The following PPP2R3A variants were observed in gnomAD, a reference collection of about 807,000 sequenced individuals.
The protein encoded by PPP2R3A is serine/threonine-protein phosphatase 2A regulatory subunit B'' subunit alpha.
PPP2R3A carries 80 observed loss-of-function variants against 106.9 expected under a neutral mutation model. The ratio of observed to expected loss-of-function variants is 0.75; its 90% CI spans 0.62 to 0.90. PPP2R3A has a LOEUF of 0.90. Among genes scored for constraint, PPP2R3A ranks in the 40% least tolerant of loss-of-function variants. PPP2R3A has a pLI of 0.00. For synonymous variants in PPP2R3A, 483 were observed against 468.3 expected (o/e 1.03, Z -0.41); for missense variants, 1,386 against 1,350.4 (o/e 1.03, Z -0.41).
chr3:136,028,995 G>A (rs1934765242), intron 3 of PPP2R3A, among the ~76,000 whole-genome samples: 1 of 152,122 alleles, frequency 6.6e-6, no homozygotes, highest in South Asian at 2.1e-4. Flanking sequence ...TGGGATTACA[G>A]GCATGCACCA....
At chr3:136,063,350 A>G (rs922879982) in intron 5 of PPP2R3A, among the ~76,000 whole-genome samples, 3 of 152,234 alleles carry the variant, frequency 2.0e-5, no homozygotes, top group African/African-American at 7.2e-5. Flanking sequence ...ACCATTCAGG[A>G]CATAGGCATG....
Position 136,145,373 on chromosome 3 carries a change from G to A in PPP2R3A, c.*207G>A. On this transcript the variant is annotated 3_prime_UTR_variant, in exon 14 of 14. Coordinates refer to ENST00000264977, the MANE Select transcript of PPP2R3A (RefSeq NM_002718.5). ...CAATTTGCCTCAAACCTCTTACGGA[G>A]CTTCTCCTCAGAAGTGGTACCATCG... 2.2e-6 allele frequency: 1 copy of A among 457,456 alleles called. No homozygotes were observed. 28.3% of individuals were successfully genotyped at this position (457,456 alleles called of 1,614,324 possible).
intron 5 of PPP2R3A, among the ~76,000 whole-genome samples, chr3:136,064,660 A>C (rs1346892399): frequency 6.6e-6 from 1 of 152,222 alleles, no homozygotes; most frequent in East Asian, 1.9e-4. Flanking sequence ...AGAATGAAAA[A>C]ACTATATAAG....
intron 8 of PPP2R3A, among the ~76,000 whole-genome samples, chr3:136,087,260 T>TCTCTCTCTCTCTCTCC (rs2107939514): frequency 7.2e-6 from 1 of 138,496 alleles, no homozygotes; most frequent in South Asian, 2.4e-4. Flanking sequence ...TCTCTCTCTC[T>TCTCTCTCTCTCTCTCC]CTCTCTCTCT....
chr3:136,025,489 G>A (rs1433723391), intron 2 of PPP2R3A, among the ~76,000 whole-genome samples: 1 of 151,592 alleles, frequency 6.6e-6, no homozygotes. Context: ...ATTAACACAG[G>A]GAAATTGGGC....
rs537274259 is a variant in PPP2R3A at position 136,030,820 on chromosome 3, ATG to A, written c.2262+3724_2262+3725del. Among the ~76,000 whole-genome samples the A allele has an allele frequency of 3.0e-3, 425 of 143,928 alleles. 1 individual carries two copies. Among genetic ancestry groups the A allele is most frequent in the African/African-American group, 9.6e-3 (347 of 36,042 alleles). The allele number at this position is 143,928 out of a possible 152,430, so 94.4% of individuals were successfully genotyped here. ...TATGTATGTATGTATGTATGTATGT[ATG>A]TATACACACACACACACACACACAT... On this transcript the variant is annotated intron_variant, in intron 3 of 13. Transcript: ENST00000264977.
intron 10 of PPP2R3A, 88 bp downstream of exon 10, chr3:136,090,755 C>A: frequency 1.0e-6 from 1 of 1,003,018 alleles, no homozygotes; most frequent in Non-Finnish European, 1.5e-6. Context: ...CTAGTGAGGC[C>A]AACTCAACGT....
chr3:136,052,893 G>C (rs1308920849), intron 5 of PPP2R3A, among the ~76,000 whole-genome samples: 1 of 152,106 alleles, frequency 6.6e-6, no homozygotes, highest in Non-Finnish European at 1.5e-5. Flanking sequence ...ATAAATCCAC[G>C]GAAGCCAATG....
chr3:136,078,056 A>C (rs1247091772), intron 6 of PPP2R3A, among the ~76,000 whole-genome samples: 2 of 152,228 alleles, frequency 1.3e-5, no homozygotes, highest in Admixed American at 1.3e-4. Context: ...ATTGAGCCCC[A>C]TAAGCATTAC....
At chr3:135,967,262 G>T (rs550679786) in intron 1 of PPP2R3A, among the ~76,000 whole-genome samples, 1 of 152,146 alleles carries the variant, frequency 6.6e-6, no homozygotes, top group Non-Finnish European at 1.5e-5. Flanking sequence ...AGATCAAAAA[G>T]GTTTTTAAAA....
chr3:135,986,919 A>AT (rs1259411576), intron 1 of PPP2R3A, among the ~76,000 whole-genome samples: 1 of 152,142 alleles, frequency 6.6e-6, no homozygotes, highest in African/African-American at 2.4e-5. Flanking sequence ...ACTTATTTAA[A>AT]GAGTTATTTA....
In PPP2R3A at chr3:136,024,735, A is replaced by G. The variant is rs1298382862; in HGVS notation, c.1996-2097A>G. On this transcript the variant is annotated intron_variant, in intron 2 of 13. Coordinates refer to ENST00000264977, the MANE Select transcript of PPP2R3A (RefSeq NM_002718.5). ...CTGCCCTAGATGTGACACCACAGAA[A>G]ACATTGGTGATTGTACACCTGAACC... is the stretch of plus-strand genomic sequence containing the variant. Among the ~76,000 whole-genome samples the G allele has an allele frequency of 2.0e-5, 3 of 152,172 alleles. 1 individual carries two copies. Among genetic ancestry groups the G allele is most frequent in the Non-Finnish European group, 4.4e-5 (3 of 68,002 alleles).
chr3:136,053,997 A>C (rs549085971), intron 5 of PPP2R3A, among the ~76,000 whole-genome samples: 3 of 152,324 alleles, frequency 2.0e-5, no homozygotes, highest in African/African-American at 7.2e-5. Context: ...AGTAGCCCAG[A>C]AAAGAAACAA....
intron 13 of PPP2R3A, among the ~76,000 whole-genome samples, chr3:136,140,505 T>G (rs1938821707): frequency 6.7e-6 from 1 of 150,238 alleles, no homozygotes; most frequent in East Asian, 2.0e-4. Context: ...TGTCAGCACT[T>G]TGGGAGACCG....
chr3:136,046,877 GAC>G (rs1480015495), intron 4 of PPP2R3A, among the ~76,000 whole-genome samples: 8 of 152,170 alleles, frequency 5.3e-5, no homozygotes, highest in Non-Finnish European at 4.4e-5. Context: ...GTTGAAAGAT[GAC>G]ACAGCCATTT....
intron 2 of PPP2R3A, among the ~76,000 whole-genome samples, chr3:136,013,270 G>T (rs141892800): frequency 3.5e-3 from 534 of 151,986 alleles, no homozygotes; most frequent in Non-Finnish European, 5.3e-3. Flanking sequence ...GAGCATTTGG[G>T]CTGGTTCCAT....
chr3:136,106,592 T>C (rs1365495319), intron 13 of PPP2R3A: 3 of 424,926 alleles, frequency 7.1e-6, no homozygotes, highest in East Asian at 5.4e-5. Context: ...TTTAGTGATA[T>C]TGATAAACCC....
intron 5 of PPP2R3A, among the ~76,000 whole-genome samples, chr3:136,054,209 A>G (rs1433021897): frequency 6.6e-6 from 1 of 150,978 alleles, no homozygotes; most frequent in Non-Finnish European, 1.5e-5. Flanking sequence ...CTATAAGCAC[A>G]TTAAATACTA....
intron 2 of PPP2R3A, among the ~76,000 whole-genome samples, chr3:136,006,633 T>A (rs1482705662): frequency 6.6e-6 from 1 of 152,182 alleles, no homozygotes; most frequent in African/African-American, 2.4e-5. Context: ...TGTCAACCCA[T>A]CTTAAGCAAA....
Sources: gnomAD v4.1 joint callset for allele counts (sites outside exome capture counted in the v4.1 genomes callset) on GRCh38, gnomAD v4.1.1 for gene constraint, MANE v1.5 for transcripts, NCBI Gene and HGNC (gene_info 2026-07-23, HGNC 2026-07-21) for gene names.